Variants in CUX1 observed in about 807,000 individuals in gnomAD.
The protein encoded by CUX1 is protein CASP.
A neutral mutation model predicts 158.8 loss-of-function variants in CUX1; 31 were observed. The ratio of observed to expected loss-of-function variants is 0.20; its 90% CI spans 0.15 to 0.26. The LOEUF (loss-of-function observed/expected upper bound fraction) is 0.26. CUX1 is among the 10% of genes least tolerant of loss of function. The pLI is 1.00. For synonymous variants in CUX1, 879 were observed against 862.1 expected, an observed-to-expected ratio of 1.02 and a Z score of -0.34; for missense variants, 1,589 against 2,014.6, an observed-to-expected ratio of 0.79 and a Z score of 4.04.
At chr7:101,982,921 C>T (rs1409285855) in intron 2 of CUX1, among the ~76,000 whole-genome samples, 3 of 143,318 alleles carry the variant, frequency 2.1e-5, no homozygotes, top group East Asian at 2.1e-4. Flanking sequence ...CCTTCCCCAA[C>T]AGGGACAGTT....
intron 1 of CUX1, among the ~76,000 whole-genome samples, chr7:101,900,545 G>A (rs972126426): frequency 6.6e-6 from 1 of 152,174 alleles, no homozygotes; most frequent in Non-Finnish European, 1.5e-5. Context: ...TAAGCTCTCC[G>A]GATGAACTTG....
chr7:102,112,017 A>G (rs1830943883), intron 7 of CUX1: 1 of 425,068 alleles, frequency 2.4e-6, no homozygotes. Flanking sequence ...TCCCTTCCAC[A>G]CGCCATCCTT....
At chr7:101,894,113 G>A (rs1387400793) in intron 1 of CUX1, among the ~76,000 whole-genome samples, 2 of 152,280 alleles carry the variant, frequency 1.3e-5, no homozygotes, top group African/African-American at 2.4e-5. Context: ...AAGCTGCCTC[G>A]GGTACCGGTG....
intron 2 of CUX1, among the ~76,000 whole-genome samples, chr7:101,968,998 T>A (rs1035832950): frequency 2.6e-5 from 4 of 152,014 alleles, no homozygotes; most frequent in Non-Finnish European, 5.9e-5. Context: ...ATGAGCTGAT[T>A]GCTGTCATTA....
At chr7:101,909,152 G>A (rs1488114838) in intron 1 of CUX1, among the ~76,000 whole-genome samples, 1 of 151,880 alleles carries the variant, frequency 6.6e-6, no homozygotes, top group Non-Finnish European at 1.5e-5. Context: ...TCCAGTTCAG[G>A]TTTGGGAGGC....
chr7:101,925,490 G>A (rs1333696778), intron 2 of CUX1, among the ~76,000 whole-genome samples: 2 of 152,126 alleles, frequency 1.3e-5, no homozygotes, highest in African/African-American at 2.4e-5. Flanking sequence ...GTTGGTATGA[G>A]GTTTCTTTTT....
At position 102,130,051 on chromosome 7, in the gene CUX1, C is replaced by T. The variant is rs782759927; in HGVS notation, c.674+14778C>T. ...TAATTGAACTCATTGATTTCCTTCA[C>T]GGCTTGTTTGCCCTTTCATTCTCTT... is the stretch of plus-strand genomic sequence containing the variant. On this transcript the variant is annotated intron_variant, in intron 8 of 23. Coordinates refer to ENST00000292535, the MANE Select transcript of CUX1 (RefSeq NM_181552.4). Among the ~76,000 whole-genome samples the T allele has an allele frequency of 3.9e-5, 6 of 152,208 alleles. No individual in the cohort carries two copies. In the South Asian group the frequency reaches 6.2e-4, roughly 16 times the overall value.
chr7:101,998,761 G>A (rs1816296587), intron 2 of CUX1, among the ~76,000 whole-genome samples: 1 of 152,180 alleles, frequency 6.6e-6, no homozygotes, highest in African/African-American at 2.4e-5. Flanking sequence ...GGATCCTGGC[G>A]AGGATGCTGT....
intron 2 of CUX1, among the ~76,000 whole-genome samples, chr7:101,953,484 G>A (rs1456710472): frequency 1.3e-5 from 2 of 152,146 alleles, no homozygotes; most frequent in Non-Finnish European, 2.9e-5. Flanking sequence ...CCTTTTTAAA[G>A]GTATTTGTGG....
intron 8 of CUX1, among the ~76,000 whole-genome samples, chr7:102,123,170 G>T (rs1339897160): frequency 4.6e-5 from 7 of 151,992 alleles, no homozygotes; most frequent in South Asian, 4.1e-4. Context: ...GGCAGAGGTT[G>T]CAGTGAGCTG....
chr7:101,920,596 T>C (rs1444248471), intron 2 of CUX1, among the ~76,000 whole-genome samples: 1 of 152,214 alleles, frequency 6.6e-6, no homozygotes, highest in African/African-American at 2.4e-5. Flanking sequence ...TTTTAAAGTT[T>C]CAGTTTTATA....
intron 2 of CUX1, among the ~76,000 whole-genome samples, chr7:101,944,201 G>A (rs1411277547): frequency 6.6e-6 from 1 of 152,148 alleles, no homozygotes; most frequent in East Asian, 1.9e-4. Context: ...AAGGGGCGCA[G>A]TGGGCTGGGT....
chr7:101,981,675 C>T (rs1248322537), intron 2 of CUX1, among the ~76,000 whole-genome samples: 2 of 151,592 alleles, frequency 1.3e-5, no homozygotes, highest in African/African-American at 4.9e-5. Flanking sequence ...TACAGCAGTG[C>T]GATCTCGGCT....
At chr7:102,030,531 T>C (rs2129338160) in intron 3 of CUX1, among the ~76,000 whole-genome samples, 1 of 152,192 alleles carries the variant, frequency 6.6e-6, no homozygotes, top group South Asian at 2.1e-4. Flanking sequence ...CCTGGGAAAA[T>C]TCACAGTAAT....
intron 8 of CUX1, among the ~76,000 whole-genome samples, chr7:102,119,794 G>A (rs1310535881): frequency 2.6e-5 from 4 of 151,888 alleles, no homozygotes; most frequent in South Asian, 2.1e-4. Flanking sequence ...TGATCCTCCC[G>A]TCTTAGCCTC....
intron 8 of CUX1, among the ~76,000 whole-genome samples, chr7:102,136,933 G>A (rs774952679): frequency 3.3e-5 from 5 of 152,074 alleles, no homozygotes; most frequent in African/African-American, 2.4e-5. Context: ...AGGGGAGTTT[G>A]TTATTTTCTT....
chr7:102,140,962 T>C (rs958522863), intron 8 of CUX1, among the ~76,000 whole-genome samples: 2 of 152,096 alleles, frequency 1.3e-5, no homozygotes, highest in African/African-American at 2.4e-5. Flanking sequence ...TTTTTTTCGC[T>C]ACGTCTAAGT....
chr7:101,885,112 G>A (rs1290291498), intron 1 of CUX1, among the ~76,000 whole-genome samples: 1 of 152,228 alleles, frequency 6.6e-6, no homozygotes, highest in Non-Finnish European at 1.5e-5. Flanking sequence ...CTTTCATGTG[G>A]CCAACATTTT....
intron 2 of CUX1, among the ~76,000 whole-genome samples, chr7:101,999,447 T>C (rs1282481230): frequency 1.3e-5 from 2 of 152,186 alleles, no homozygotes; most frequent in East Asian, 3.8e-4. Context: ...ACCATGAGCT[T>C]TGAAAGGCTG....
Sources: gnomAD v4.1 joint callset for allele counts (sites outside exome capture counted in the v4.1 genomes callset) on GRCh38, gnomAD v4.1.1 for gene constraint, MANE v1.5 for transcripts, NCBI Gene and HGNC (gene_info 2026-07-23, HGNC 2026-07-21) for gene names.